The following SBF2 variants were observed in gnomAD, a reference collection of about 807,000 sequenced individuals.
SBF2 encodes myotubularin-related protein 13.
In SBF2, 112 loss-of-function variants were observed where a neutral mutation model predicts 225.2. The ratio of observed to expected loss-of-function variants is 0.50; its 90% CI spans 0.43 to 0.58. The LOEUF is 0.58. Ranked by LOEUF, SBF2 falls within the 20% of genes least tolerant of loss-of-function variation. The pLI is 0.00. For synonymous variants in SBF2, 763 were observed against 773.3 expected (o/e 0.99, Z 0.22); for missense variants, 1,996 against 2,206.2 (o/e 0.90, Z 1.91).
At chr11:9,995,644 CTTTTCTTTTTTTT>C (rs1387913480) in intron 9 of SBF2, among the ~76,000 whole-genome samples, 2 of 149,768 alleles carry the variant, frequency 1.3e-5, no homozygotes, top group Non-Finnish European at 3.0e-5. Flanking sequence ...TTCTTTTTTT[CTTTTCTTTTTTTT>C]TTTTTATTTT....
At chr11:10,004,384 G>A (rs1948096988) in intron 6 of SBF2, among the ~76,000 whole-genome samples, 1 of 151,800 alleles carries the variant, frequency 6.6e-6, no homozygotes, top group South Asian at 2.1e-4. Flanking sequence ...AGTATTGTAT[G>A]TATTATCATG....
At chr11:10,087,827 C>T (rs1951632791) in intron 2 of SBF2, among the ~76,000 whole-genome samples, 1 of 151,954 alleles carries the variant, frequency 6.6e-6, no homozygotes, top group Non-Finnish European at 1.5e-5. Context: ...TCAGTAAAAC[C>T]TGGGTTGTTT....
rs944552426 is a variant in SBF2, at chr11:10,294,181, G to GCAGCGC, written c.-118_-113dup. 5 of 822,036 alleles carry GCAGCGC rather than the reference G, an allele frequency of 6.1e-6. No individual in the cohort carries two copies. In the African/African-American group the frequency reaches 9.0e-5, roughly 15 times the overall value. 50.9% of individuals were successfully genotyped at this position (822,036 alleles called of 1,614,324 possible). ...CCCTGCAGCGGCAGTAGCGGCAGCG[G>GCAGCGC]CAGCGCTTCAGCCATGTTTGACAAC... On this transcript the variant is annotated 5_prime_UTR_variant, in exon 1 of 40. Transcript: ENST00000256190.
At chr11:10,167,078 G>C (rs554280296) in intron 2 of SBF2, among the ~76,000 whole-genome samples, 2 of 152,048 alleles carry the variant, frequency 1.3e-5, no homozygotes, top group Non-Finnish European at 2.9e-5. Flanking sequence ...TTTTATACTT[G>C]TACTTAATGA....
intron 2 of SBF2, among the ~76,000 whole-genome samples, chr11:10,130,317 G>C (rs148674621): frequency 6.7e-6 from 1 of 148,836 alleles, no homozygotes; most frequent in South Asian, 2.1e-4. Flanking sequence ...AGCCGAGATC[G>C]CACCACTGTA....
intron 17 of SBF2, among the ~76,000 whole-genome samples, chr11:9,874,390 C>A (rs989352948): frequency 1.3e-5 from 2 of 151,928 alleles, no homozygotes; most frequent in Non-Finnish European, 2.9e-5. Context: ...TTTCCAGAGA[C>A]CCCTAAAAAA....
intron 3 of SBF2, among the ~76,000 whole-genome samples, chr11:10,033,026 T>C (rs1425941733): frequency 5.3e-5 from 8 of 152,234 alleles, no homozygotes; most frequent in Admixed American, 5.2e-4. Context: ...TGTTTAGTTT[T>C]TGTATGTATG....
In SBF2 at chr11:10,066,001, C is replaced by G. The variant is rs947207607; in HGVS notation, c.142-23020G>C. On this transcript the variant is annotated intron_variant, in intron 2 of 39. Coordinates refer to ENST00000256190, the MANE Select transcript of SBF2 (RefSeq NM_030962.4). Reference sequence around the variant, plus strand: ...ACCAGACAAACTACCAAACCTCACTCATGAAGACATAACCTGAATAACCCT... The same window carrying G: ...ACCAGACAAACTACCAAACCTCACTGATGAAGACATAACCTGAATAACCCT... 2.6e-5 allele frequency among the ~76,000 whole-genome samples: 4 copies of G among 151,908 alleles called. No individual in the cohort carries two copies. In the East Asian group the frequency reaches 7.7e-4, roughly 29 times the overall value.
chr11:10,020,856 G>A (rs1948826794), intron 6 of SBF2, among the ~76,000 whole-genome samples: 2 of 146,688 alleles, frequency 1.4e-5, no homozygotes, highest in South Asian at 2.3e-4. Flanking sequence ...TAACTTTTAT[G>A]TACAAAGTAA....
chr11:10,114,849 T>C (rs1484746077), intron 2 of SBF2, among the ~76,000 whole-genome samples: 1 of 152,228 alleles, frequency 6.6e-6, no homozygotes, highest in Non-Finnish European at 1.5e-5. Context: ...TTCTTCTACA[T>C]GATGGTTTGT....
intron 2 of SBF2, among the ~76,000 whole-genome samples, chr11:10,055,524 TACAC>T (rs3993326): frequency 0.28 from 36,747 of 133,420 alleles, 5,198 homozygotes; most frequent in Non-Finnish European, 0.32. Flanking sequence ...AAGAAAATGA[TACAC>T]ACACACACAC....
chr11:10,017,752 C>T (rs927945712), intron 6 of SBF2, among the ~76,000 whole-genome samples: 1 of 152,080 alleles, frequency 6.6e-6, no homozygotes, highest in Admixed American at 6.5e-5. Context: ...ATTTTACACA[C>T]ACAAATAGAG....
intron 14 of SBF2, among the ~76,000 whole-genome samples, chr11:9,965,786 A>C (rs1161109368): frequency 6.6e-6 from 1 of 152,224 alleles, no homozygotes; most frequent in Non-Finnish European, 1.5e-5. Flanking sequence ...GTTTTCTTCA[A>C]ATCATTTTTA....
chr11:9,890,725 G>A (rs1338416476), intron 17 of SBF2, among the ~76,000 whole-genome samples: 1 of 152,138 alleles, frequency 6.6e-6, no homozygotes, highest in African/African-American at 2.4e-5. Context: ...AGAAGTAATG[G>A]GACGGCTTTG....
chr11:10,254,459 C>G (rs1960669059), intron 1 of SBF2, among the ~76,000 whole-genome samples: 1 of 151,620 alleles, frequency 6.6e-6, no homozygotes, highest in African/African-American at 2.4e-5. Flanking sequence ...AAAAGGGAAT[C>G]AATATCTCAA....
intron 6 of SBF2, among the ~76,000 whole-genome samples, chr11:10,027,677 T>C (rs1949099629): frequency 6.6e-6 from 1 of 152,204 alleles, no homozygotes; most frequent in Admixed American, 6.5e-5. Context: ...TGGGCAGCCC[T>C]GGTTTGAAAT....
At chr11:10,236,450 G>A (rs193030994) in intron 1 of SBF2, among the ~76,000 whole-genome samples, 3 of 151,982 alleles carry the variant, frequency 2.0e-5, no homozygotes, top group South Asian at 4.1e-4. Flanking sequence ...ACAACAGAGC[G>A]AGTCCGTCTC....
intron 2 of SBF2, among the ~76,000 whole-genome samples, chr11:10,166,798 CTAAA>C (rs1224542464): frequency 6.6e-6 from 1 of 152,078 alleles, no homozygotes; most frequent in African/African-American, 2.4e-5. Flanking sequence ...CCCATCTCTA[CTAAA>C]AATACAAAAA....
At chr11:9,826,725 ATATATATGTG>A (rs1238410821) in intron 28 of SBF2, among the ~76,000 whole-genome samples, 1 of 131,070 alleles carries the variant, frequency 7.6e-6, no homozygotes, top group Non-Finnish European at 1.6e-5. Context: ...ATATATATAT[ATATATATGTG>A]TGTGTGTGTG....
Sources: allele counts gnomAD v4.1 joint callset (sites outside exome capture counted in the v4.1 genomes callset), GRCh38; gene constraint gnomAD v4.1.1; transcripts MANE v1.5; gene names NCBI Gene and HGNC (gene_info 2026-07-23, HGNC 2026-07-21).